The following MAGED1 variants were observed in gnomAD, a reference collection of about 807,000 sequenced individuals.
MAGED1 encodes the protein MAGE family member D1.
Under a neutral mutation model 54.1 loss-of-function variants are expected in MAGED1, and 3 were observed. The observed-to-expected ratio is 0.06, with a 90% CI of 0.03 to 0.14. The LOEUF (loss-of-function observed/expected upper bound fraction) is 0.14, where lower values mean the gene tolerates loss of function less well. MAGED1 is among the 10% of genes least tolerant of loss of function. MAGED1 has a pLI of 1.00. For missense variants in MAGED1, 485 were observed against 623.4 expected (o/e 0.78, Z 2.36); for synonymous variants, 217 against 227.3 (o/e 0.95, Z 0.41).
In MAGED1 at chrX:51,807,251, G is replaced by A. The variant is rs782044727; in HGVS notation, c.-37+4134G>A. Among the ~76,000 whole-genome samples, 5 of 111,600 alleles carry A rather than the reference G, an allele frequency of 4.5e-5. No individual in the cohort carries two copies. The South Asian group carries it at 1.9e-3, about 43-fold the overall frequency. Reference sequence around the variant, plus strand: ...TGTTAGTCTTTTGGATATTTTTTATGAGGTGCCTGTTCAAATCTTTTGACT... The same window carrying A: ...TGTTAGTCTTTTGGATATTTTTTATAAGGTGCCTGTTCAAATCTTTTGACT... On this transcript the variant is annotated intron_variant, in intron 1 of 12. Coordinates refer to the MAGED1 transcript ENST00000375772.
intron 1 of MAGED1, among the ~76,000 whole-genome samples, chrX:51,886,128 G>A (rs1466204993): frequency 1.5e-5 from 1 of 67,285 alleles, no homozygotes; most frequent in Non-Finnish European, 2.5e-5. Flanking sequence ...GCTGAGAAGG[G>A]TGGGGGGTGG....
chrX:51,816,945 C>G (rs998451906), intron 1 of MAGED1, among the ~76,000 whole-genome samples: 1 of 111,410 alleles, frequency 9.0e-6, no homozygotes, highest in East Asian at 2.8e-4. Flanking sequence ...TGTCAGGATC[C>G]CACTATATTT....
At chrX:51,844,614 C>G (rs910027983) in intron 1 of MAGED1, among the ~76,000 whole-genome samples, 4 of 111,949 alleles carry the variant, frequency 3.6e-5, no homozygotes, top group African/African-American at 6.5e-5. Context: ...CTTCTCTTCT[C>G]TCTGATCTCA....
Position 51,851,698 on chromosome X carries a change from A to G in MAGED1, c.-36-42571A>G, listed in dbSNP as rs190205000. 2.7e-3 allele frequency among the ~76,000 whole-genome samples: 295 copies of G among 109,156 alleles called. 3 individuals are homozygous for G. The highest frequency in any genetic ancestry group is 4.3e-3 in the Non-Finnish European group (226 of 52,596). 94.8% of individuals were successfully genotyped at this position (109,156 alleles called of 115,157 possible). On this transcript the variant is annotated intron_variant, in intron 1 of 12. Coordinates refer to the MAGED1 transcript ENST00000375772. ...ACTAGATGACTCATAGACAGGGAGCATCTATAGCACAGATACGCTAGACAA... is the reference window on the plus strand; with the variant it reads ...ACTAGATGACTCATAGACAGGGAGCGTCTATAGCACAGATACGCTAGACAA...
chrX:51,890,895 T>G (rs1557363422), upstream of MAGED1, among the ~76,000 whole-genome samples: 1 of 108,634 alleles, frequency 9.2e-6, no homozygotes, highest in African/African-American at 3.3e-5. Flanking sequence ...GGGCTTCTGG[T>G]GTCACGGAAA....
At chrX:51,870,052 G>A (rs1557361398) in intron 1 of MAGED1, among the ~76,000 whole-genome samples, 2 of 110,975 alleles carry the variant, frequency 1.8e-5, no homozygotes, top group African/African-American at 6.6e-5. Context: ...TCCATTTTTA[G>A]ACACTTTATC....
chrX:51,885,861 T>C (rs931932608), intron 1 of MAGED1, among the ~76,000 whole-genome samples: 7 of 110,473 alleles, frequency 6.3e-5, no homozygotes, highest in Non-Finnish European at 1.1e-4. Context: ...AATGCCGAGA[T>C]AGGGAATCAA....
chrX:51,819,212 A>G (rs188082729), intron 1 of MAGED1, among the ~76,000 whole-genome samples: 73 of 109,973 alleles, frequency 6.6e-4, no homozygotes, highest in South Asian at 2.0e-3. Context: ...ACAAATTGAT[A>G]AGAAGCTCTG....
intron 1 of MAGED1, among the ~76,000 whole-genome samples, chrX:51,846,782 C>T (rs183399952): frequency 1.7e-3 from 187 of 110,965 alleles, no homozygotes; most frequent in African/African-American, 5.9e-3. Flanking sequence ...CTCATTCACT[C>T]ATTATCACAA....
At chrX:51,879,044 G>T (rs782344926) in intron 1 of MAGED1, among the ~76,000 whole-genome samples, 12 of 111,761 alleles carry the variant, frequency 1.1e-4, no homozygotes, top group Non-Finnish European at 1.9e-4. Context: ...TTATTTGCAT[G>T]TAATAACTTA....
chrX:51,896,019 A>T (rs1213658135), intron 3 of MAGED1: 1 of 387,725 alleles, frequency 2.6e-6, no homozygotes, highest in Non-Finnish European at 4.4e-6. Context: ...TTAAGCCTTG[A>T]GCTAGGCACA....
chrX:51,833,297 T>C (rs1557357619), intron 1 of MAGED1, among the ~76,000 whole-genome samples: 1 of 109,955 alleles, frequency 9.1e-6, no homozygotes, highest in African/African-American at 3.3e-5. Flanking sequence ...AATTGCTCTC[T>C]GATACCCTAA....
At chrX:51,809,952 T>A (rs1925162360) in intron 1 of MAGED1, among the ~76,000 whole-genome samples, 1 of 112,234 alleles carries the variant, frequency 8.9e-6, no homozygotes, top group South Asian at 3.7e-4. Context: ...TCAAGATAAA[T>A]GATGCTGCCG....
chrX:51,900,324 T>A (rs1928959548), intron 11 of MAGED1, 28 bp downstream of exon 11: 1 of 1,113,954 alleles, frequency 9.0e-7, no homozygotes, highest in Admixed American at 2.2e-5. Flanking sequence ...CCAGCATTGA[T>A]AGGTCAAGGG....
rs917602471 is a variant in MAGED1, at chrX:51,896,226, G to T, written c.754-183G>T. The T allele has an allele frequency of 2.0e-5, 9 of 452,804 alleles. No homozygotes were observed. The South Asian group carries it at 3.2e-4, about 16-fold the overall frequency. The allele number at this position is 452,804 out of a possible 1,213,427, so 37.3% of individuals were successfully genotyped here. On this transcript the variant is annotated intron_variant, in intron 3 of 12. Coordinates refer to ENST00000326587, the MANE Select transcript of MAGED1 (RefSeq NM_006986.4). ...AGGCCCCATCTTTGGGTTGCTCCTG[G>T]CCTGGCTCGGAGATGAAACTCCTGC...
chrX:51,830,004 G>C (rs1292007561), intron 1 of MAGED1, among the ~76,000 whole-genome samples: 2 of 111,365 alleles, frequency 1.8e-5, no homozygotes, highest in Non-Finnish European at 3.8e-5. Context: ...GTGATATTGT[G>C]AAAAACTGGA....
intron 1 of MAGED1, among the ~76,000 whole-genome samples, chrX:51,814,386 G>A (rs1557355863): frequency 9.0e-6 from 1 of 111,445 alleles, no homozygotes; most frequent in African/African-American, 3.3e-5. Flanking sequence ...AAAAACATTA[G>A]TGGCACCCCT....
chrX:51,895,332 A>G lies in MAGED1; in HGVS notation c.325A>G (p.Lys109Glu). Residue 109 changes from lysine (K) to glutamate (E), a missense_variant, in exon 3 of 13, where the codon AAG (lysine) becomes GAG (glutamate). Physicochemically the swap from Lys to Glu is moderately conservative, Grantham distance 56. This residue lies in a region of MAGED1 where 299 missense variants were observed against 293.1 expected (regional missense o/e 1.02). Transcript: ENST00000326587. Reference protein sequence around the residue: ...NAKDVPNTQPKAAFKSQNATP... With the variant: ...NAKDVPNTQPEAAFKSQNATP... ...CAAGGATGTGCCCAACACGCAGCCC[A>G]AGGCAGCCTTTAAGTCCCAAAATGC... is the stretch of plus-strand genomic sequence containing the variant. The G allele has an allele frequency of 1.7e-6, 2 of 1,210,570 alleles. No homozygotes were observed. The highest frequency in any genetic ancestry group is 2.2e-6 in the Non-Finnish European group (2 of 894,907).
At chrX:51,876,116 G>C (rs1557361986) in intron 1 of MAGED1, among the ~76,000 whole-genome samples, 2 of 111,602 alleles carry the variant, frequency 1.8e-5, no homozygotes, top group African/African-American at 6.5e-5. Context: ...ATGATGGTGA[G>C]AAAATGTGTG....
Sources: allele counts gnomAD v4.1 joint callset (sites outside exome capture counted in the v4.1 genomes callset), GRCh38; gene constraint gnomAD v4.1.1; regional missense constraint gnomAD v4.1.1; transcripts MANE v1.5; gene names NCBI Gene and HGNC (gene_info 2026-07-23, HGNC 2026-07-21).